TOP6BL: variants seen among roughly 807,000 people sequenced by gnomAD.
TOP6BL encodes the protein type 2 DNA topoisomerase 6 subunit B-like.
At chr11:66,762,305 G>A in the TOP6BL span, 2 of 423,370 alleles carry the variant, frequency 4.7e-6, no homozygotes, top group East Asian at 1.1e-4. Flanking sequence ...GCGCCGGCCA[G>A]GAGCTGCCGG....
At chr11:66,800,906 T>G in the TOP6BL span, 1 of 1,091,550 alleles carries the variant, frequency 9.2e-7, no homozygotes, top group Non-Finnish European at 1.3e-6. Context: ...ATTTTCCCCT[T>G]GGTTAATTAG....
the TOP6BL span, among the ~76,000 whole-genome samples, chr11:66,815,107 C>T: frequency 6.6e-6 from 1 of 152,250 alleles, no homozygotes; most frequent in Non-Finnish European, 1.5e-5. Flanking sequence ...TTGAAGCCTA[C>T]TGGGATGGGG....
At chr11:66,760,280 C>T in the TOP6BL span, among the ~76,000 whole-genome samples, 1 of 150,100 alleles carries the variant, frequency 6.7e-6, no homozygotes, top group African/African-American at 2.4e-5. Flanking sequence ...CCCATCTCTA[C>T]TAAAAATACA....
the TOP6BL span, among the ~76,000 whole-genome samples, chr11:66,841,900 ATCAC>A: frequency 2.6e-5 from 4 of 152,200 alleles, no homozygotes; most frequent in Non-Finnish European, 5.9e-5. Flanking sequence ...TGTCTGGCAT[ATCAC>A]TCTTCATCCT....
chr11:66,749,972 A>G, the TOP6BL span, among the ~76,000 whole-genome samples: 1 of 152,184 alleles, frequency 6.6e-6, no homozygotes, highest in African/African-American at 2.4e-5. Flanking sequence ...GAGACTTTCT[A>G]CACATCTCAC....
At chr11:66,815,475 G>A in the TOP6BL span, among the ~76,000 whole-genome samples, 1 of 152,186 alleles carries the variant, frequency 6.6e-6, no homozygotes, top group Non-Finnish European at 1.5e-5. Context: ...CAAATATATA[G>A]TATTGGGGCT....
At chr11:66,805,063 G>T in the TOP6BL span, among the ~76,000 whole-genome samples, 1 of 150,774 alleles carries the variant, frequency 6.6e-6, no homozygotes, top group Non-Finnish European at 1.5e-5. Flanking sequence ...GTGAGATTCC[G>T]TCTCAAAAAA....
At chr11:66,769,002 C>T in the TOP6BL span, among the ~76,000 whole-genome samples, 1 of 152,286 alleles carries the variant, frequency 6.6e-6, no homozygotes, top group African/African-American at 2.4e-5. Flanking sequence ...GTTACAATTC[C>T]TCATTGAGTA....
At chr11:66,801,039 A>AT in the TOP6BL span, 92 of 1,613,760 alleles carry the variant, frequency 5.7e-5, no homozygotes, top group South Asian at 9.2e-4. Flanking sequence ...AGGGTGGAGA[A>AT]TGAACCCACT....
At chr11:66,751,866 T>G in the TOP6BL span, among the ~76,000 whole-genome samples, 1 of 152,198 alleles carries the variant, frequency 6.6e-6, no homozygotes, top group Non-Finnish European at 1.5e-5. Flanking sequence ...CAGTTAATAC[T>G]TATTTTATTT....
the TOP6BL span, among the ~76,000 whole-genome samples, chr11:66,794,354 C>G: frequency 6.6e-6 from 1 of 151,966 alleles, no homozygotes; most frequent in Non-Finnish European, 1.5e-5. Context: ...TTCTAGGAGA[C>G]TGTTTCTAAC....
chr11:66,782,275 C>G, the TOP6BL span, among the ~76,000 whole-genome samples: 1 of 152,290 alleles, frequency 6.6e-6, no homozygotes, highest in South Asian at 2.1e-4. Flanking sequence ...CTAGCTAGGC[C>G]TGAAGGCCAA....
chr11:66,826,989 T>G, the TOP6BL span, among the ~76,000 whole-genome samples: 1 of 130,532 alleles, frequency 7.7e-6, no homozygotes, highest in Non-Finnish European at 1.7e-5. Flanking sequence ...GGCTTTTTTT[T>G]TTTTTTTTTG....
the TOP6BL span, among the ~76,000 whole-genome samples, chr11:66,803,788 A>G: frequency 6.6e-6 from 1 of 152,176 alleles, no homozygotes; most frequent in African/African-American, 2.4e-5. Flanking sequence ...AGCAGGAGCA[A>G]TGATATCTCT....
the TOP6BL span, chr11:66,796,248 T>A: frequency 2.8e-6 from 4 of 1,447,282 alleles, no homozygotes; most frequent in Non-Finnish European, 3.9e-6. Context: ...AGATTGTGTA[T>A]GTGTGGTAGG....
the TOP6BL span, among the ~76,000 whole-genome samples, chr11:66,793,449 T>G: frequency 3.8e-3 from 563 of 146,886 alleles, 4 homozygotes; most frequent in African/African-American, 0.013. Context: ...TTTTTGTTTT[T>G]TTTTTTTTTT....
the TOP6BL span, among the ~76,000 whole-genome samples, chr11:66,749,993 TGATTATTAA>T: frequency 6.6e-6 from 1 of 152,188 alleles, no homozygotes; most frequent in Non-Finnish European, 1.5e-5. Context: ...GCCTTTGAGA[TGATTATTAA>T]CATTGAGTAT....
the TOP6BL span, among the ~76,000 whole-genome samples, chr11:66,761,237 G>T: frequency 6.6e-6 from 1 of 152,078 alleles, no homozygotes; most frequent in Non-Finnish European, 1.5e-5. Flanking sequence ...CGGGCGTGGT[G>T]GCGGGCGCCT....
chr11:66,833,715 A>T, the TOP6BL span, among the ~76,000 whole-genome samples: 1 of 152,122 alleles, frequency 6.6e-6, no homozygotes, highest in Non-Finnish European at 1.5e-5. Context: ...TGGGAGGGCA[A>T]GGCAGGTGGA....
Sources: allele counts gnomAD v4.1 joint callset (sites outside exome capture counted in the v4.1 genomes callset), GRCh38; gene constraint gnomAD v4.1.1; transcripts MANE v1.5; gene names NCBI Gene and HGNC (gene_info 2026-07-23, HGNC 2026-07-21).